Variants in FBLN1 observed in about 807,000 individuals in gnomAD.
The protein encoded by FBLN1 is fibulin 1, also known as fibulin-1.
A neutral mutation model predicts 89.7 loss-of-function variants in FBLN1; 34 were observed. The ratio of observed to expected loss-of-function variants is 0.38; its 90% CI spans 0.29 to 0.50. The LOEUF (loss-of-function observed/expected upper bound fraction) is 0.50. Ranked by LOEUF, FBLN1 falls within the 20% of genes least tolerant of loss-of-function variation. The probability of loss-of-function intolerance (pLI) is 0.92; values close to 1 mark genes in which losing one functional copy is unlikely to be tolerated. For missense variants in FBLN1, 777 were observed against 988.1 expected, an observed-to-expected ratio of 0.79 and a Z score of 2.86; for synonymous variants, 393 against 391.3, an observed-to-expected ratio of 1.00 and a Z score of -0.05.
intron 9 of FBLN1, 152 bp from the exon 10 acceptor site, chr22:45,542,003 C>T (rs1008738558): frequency 2.9e-5 from 35 of 1,186,964 alleles, no homozygotes; most frequent in African/African-American, 7.5e-5. Context: ...GTCCAGGGCC[C>T]GGCACTCAGT....
Position 45,563,452 on chromosome 22 carries a change from AC to A in FBLN1, c.1698-11054del. On this transcript the variant is annotated intron_variant, in intron 14 of 16. Transcript: ENST00000327858. The surrounding 1 kb of genome is among the most constrained non-coding windows in gnomAD (Gnocchi z 5.7). ...AGCTGGGCACTGGCCACCGCCTGGT[AC>A]CCCCGAGGGCTGACTGAGGAGCGCT... The A allele has an allele frequency of 6.0e-6, 8 of 1,333,254 alleles. No individual in the cohort carries two copies. Among genetic ancestry groups the A allele is most frequent in the Non-Finnish European group, 8.1e-6 (8 of 990,194 alleles). 82.6% of individuals were successfully genotyped at this position (1,333,254 alleles called of 1,614,324 possible).
chr22:45,520,406 T>A (rs2088234288), intron 2 of FBLN1, among the ~76,000 whole-genome samples: 1 of 152,212 alleles, frequency 6.6e-6, no homozygotes, highest in Non-Finnish European at 1.5e-5. Context: ...CCCTGTGTCC[T>A]CACACGGCCC....
chr22:45,528,150 C>T lies in FBLN1; in HGVS notation c.484+141C>T. 1.1e-5 allele frequency: 10 copies of T among 935,084 alleles called. No individual in the cohort carries two copies. In the South Asian group the frequency reaches 1.4e-4, roughly 13 times the overall value. The allele number at this position is 935,084 out of a possible 1,614,324, so 57.9% of individuals were successfully genotyped here. A position where few individuals can be genotyped will look rare whatever the true frequency, so the allele number is the denominator to read the frequency against. On this transcript the variant is annotated intron_variant, in intron 4 of 16. Coordinates refer to ENST00000327858, the MANE Select transcript of FBLN1 (RefSeq NM_006486.3). ...GCTGGCAAGTCCAAAATCTGCAGGG[C>T]AGGCCTTCAGGCTGGAGCCCCAGGG...
Position 45,543,485 on chromosome 22 carries a change from C to T in FBLN1, c.1280C>T (p.Ser427Phe), listed in dbSNP as rs755581581. The T allele has an allele frequency of 2.5e-6, 4 of 1,613,924 alleles. No homozygotes were observed. The highest frequency in any genetic ancestry group is 3.4e-6 in the Non-Finnish European group (4 of 1,179,996). Reference sequence around the variant, plus strand: ...CTGGGCTCCTACCTCTGCAGCTGTTCCGTGGGCTTCCGGCTCTCTGTGGAT... The same window carrying T: ...CTGGGCTCCTACCTCTGCAGCTGTTTCGTGGGCTTCCGGCTCTCTGTGGAT... The part of the protein sequence containing the change: ...NTLGSYLCSC[S>F]VGFRLSVDGR... Residue 427 changes from serine (S) to phenylalanine (F), a missense_variant, in exon 11 of 17, where the codon TCC becomes TTC. Coordinates refer to ENST00000327858, the MANE Select transcript of FBLN1 (RefSeq NM_006486.3).
chr22:45,557,997 C>T lies in FBLN1; in HGVS notation c.1697+7382C>T, dbSNP rs1242115954. Reference sequence around the variant, plus strand: ...AAGGGGCAGTAGTGCTGCAGCTGTCCACTTTCGGGTGGTGCCTGCATATCG... The same window carrying T: ...AAGGGGCAGTAGTGCTGCAGCTGTCTACTTTCGGGTGGTGCCTGCATATCG... On this transcript the variant is annotated intron_variant, in intron 14 of 16. Coordinates refer to ENST00000327858, the MANE Select transcript of FBLN1 (RefSeq NM_006486.3). This position sits in a 1 kb window ranked among gnomAD's most constrained non-coding sequence, Gnocchi z 4.9. The T allele has an allele frequency of 4.6e-5, 33 of 710,804 alleles. No individual in the cohort carries two copies. The Admixed American group carries it at 6.0e-4, about 13-fold the overall frequency. 44.0% of individuals were successfully genotyped at this position (710,804 alleles called of 1,614,324 possible). A position where few individuals can be genotyped will look rare whatever the true frequency, so the allele number is the denominator to read the frequency against.
chr22:45,553,493 C>G (rs1048603316), intron 14 of FBLN1, among the ~76,000 whole-genome samples: 3 of 152,208 alleles, frequency 2.0e-5, no homozygotes, highest in Non-Finnish European at 4.4e-5. Flanking sequence ...TTGGGCCGTT[C>G]CCAGTCTGAC....
At chr22:45,517,298 A>G (rs562471375) in intron 1 of FBLN1, 16 of 312,952 alleles carry the variant, frequency 5.1e-5, no homozygotes, top group Non-Finnish European at 9.4e-5. Flanking sequence ...CCTTCTGCCC[A>G]GCAGCTGGGG....
rs1436101757 is a variant in FBLN1, at chr22:45,597,757, G to A, written c.1973-2550G>A. ...CATCACCAGGTAGCAGGCAGAGCAA[G>A]GGTGCTGACAGCCTGCAGAAGCCTG... On this transcript the variant is annotated intron_variant, in intron 16 of 16. Transcript: ENST00000327858. This position sits in a 1 kb window ranked among gnomAD's most constrained non-coding sequence, Gnocchi z 4.2. Among the ~76,000 whole-genome samples the A allele has an allele frequency of 6.6e-6, 1 of 152,250 alleles. No individual in the cohort carries two copies. The highest frequency in any genetic ancestry group is 1.9e-4 in the East Asian group (1 of 5,202).
At chr22:45,510,581 G>A (rs1004619079) in intron 1 of FBLN1, among the ~76,000 whole-genome samples, 9 of 152,262 alleles carry the variant, frequency 5.9e-5, no homozygotes, top group African/African-American at 1.7e-4. Flanking sequence ...AGGCTGCTGG[G>A]GATGGGATCA....
intron 2 of FBLN1, among the ~76,000 whole-genome samples, chr22:45,521,546 C>T (rs1234153430): frequency 6.6e-6 from 1 of 152,266 alleles, no homozygotes; most frequent in Admixed American, 6.5e-5. Context: ...TCCAGCCCTT[C>T]CTGTGTGCTT....
chr22:45,593,547 T>C (rs1396889516), intron 16 of FBLN1, among the ~76,000 whole-genome samples: 1 of 152,186 alleles, frequency 6.6e-6, no homozygotes, highest in Non-Finnish European at 1.5e-5. Flanking sequence ...ACAATTGAAC[T>C]CAGCACTGTG....
intron 1 of FBLN1, among the ~76,000 whole-genome samples, chr22:45,507,490 G>A (rs5765434): frequency 6.6e-6 from 1 of 152,098 alleles, no homozygotes; most frequent in African/African-American, 2.4e-5. Flanking sequence ...GCAGCCCTAC[G>A]AAATAGGTGA....
At chr22:45,543,631 T>G in intron 11 of FBLN1, 105 bp downstream of exon 11, 1 of 1,403,718 alleles carries the variant, frequency 7.1e-7, no homozygotes, top group Non-Finnish European at 9.8e-7. Flanking sequence ...GGTTTCCCTG[T>G]TAAATGACAT....
intron 16 of FBLN1, among the ~76,000 whole-genome samples, chr22:45,586,604 G>C (rs112394413): frequency 7.9e-5 from 12 of 152,220 alleles, no homozygotes; most frequent in African/African-American, 2.9e-4. Flanking sequence ...AGCACCTGGC[G>C]GGCATCTGAA....
In FBLN1 at chr22:45,563,343, G is replaced by A; in HGVS notation, c.1698-11168G>A. The A allele has an allele frequency of 6.2e-7, 1 of 1,603,114 alleles. No individual in the cohort carries two copies. The highest frequency in any genetic ancestry group is 8.5e-7 in the Non-Finnish European group (1 of 1,177,698). Reference sequence around the variant, plus strand: ...CCTCCGGGGCGTTAATAAAGTCTTAGCAAGCGTCCCACACAGTGAGCCTCG... The same window carrying A: ...CCTCCGGGGCGTTAATAAAGTCTTAACAAGCGTCCCACACAGTGAGCCTCG... On this transcript the variant is annotated intron_variant, in intron 14 of 16. Transcript: ENST00000327858. This position sits in a 1 kb window ranked among gnomAD's most constrained non-coding sequence, Gnocchi z 5.7.
intron 16 of FBLN1, among the ~76,000 whole-genome samples, chr22:45,595,414 A>G (rs2089175580): frequency 6.6e-6 from 1 of 152,154 alleles, no homozygotes; most frequent in Non-Finnish European, 1.5e-5. Flanking sequence ...TTTCTTGTTA[A>G]ATGCAAAGAA....
Position 45,542,172 on chromosome 22 carries a change from C to T in FBLN1, c.1084C>T (p.Pro362Ser). Reference protein sequence around the residue: ...TRCVDVDECAPPAEPCGKGHR... With the variant: ...TRCVDVDECASPAEPCGKGHR... ...TTTGCAAGATGTGGACGAGTGCGCG[C>T]CACCTGCTGAGCCCTGTGGGAAGGG... is the stretch of plus-strand genomic sequence containing the variant. Residue 362 changes from proline (P) to serine (S), a missense_variant, in exon 10 of 17, where the codon CCA (proline) becomes TCA (serine). Physicochemically the swap from Pro to Ser is moderately conservative, Grantham distance 74. Coordinates refer to ENST00000327858, the MANE Select transcript of FBLN1 (RefSeq NM_006486.3). 6.2e-7 allele frequency: 1 copy of T among 1,614,224 alleles called. No individual in the cohort carries two copies. The highest frequency in any genetic ancestry group is 8.5e-7 in the Non-Finnish European group (1 of 1,180,038).
chr22:45,536,312 A>C lies in FBLN1; in HGVS notation c.922+975A>C, dbSNP rs555197667. ...GAGTGTTTCCTGGGCGCAGAGTTTC[A>C]GTTTGAGAAGATGAAAAAGTTCTGG... On this transcript the variant is annotated intron_variant, in intron 8 of 16. Coordinates refer to ENST00000327858, the MANE Select transcript of FBLN1 (RefSeq NM_006486.3). The surrounding 1 kb of genome is among the most constrained non-coding windows in gnomAD (Gnocchi z 5.1). Among the ~76,000 whole-genome samples, 6 of 152,316 alleles carry C rather than the reference A, an allele frequency of 3.9e-5. No homozygotes were observed. The South Asian group carries it at 1.2e-3, about 32-fold the overall frequency.
Position 45,597,377 on chromosome 22 carries a change from G to C in FBLN1, c.1973-2930G>C, listed in dbSNP as rs994120560. Among the ~76,000 whole-genome samples, 1 of 152,158 alleles carries C rather than the reference G, an allele frequency of 6.6e-6. No individual in the cohort carries two copies. The highest frequency in any genetic ancestry group is 6.5e-5 in the Admixed American group (1 of 15,278). ...CTACAGTGATTCACAGGCTCACCCA[G>C]CCTCTCCTTCTCCTTCAAGCCCCAA... On this transcript the variant is annotated intron_variant, in intron 16 of 16. Coordinates refer to ENST00000327858, the MANE Select transcript of FBLN1 (RefSeq NM_006486.3). The surrounding 1 kb of genome is among the most constrained non-coding windows in gnomAD (Gnocchi z 4.2).
Sources: gnomAD v4.1 joint callset for allele counts (sites outside exome capture counted in the v4.1 genomes callset) on GRCh38, gnomAD v4.1.1 for gene constraint, Gnocchi (gnomAD v3.1) non-coding constraint, MANE v1.5 for transcripts, NCBI Gene and HGNC (gene_info 2026-07-23, HGNC 2026-07-21) for gene names.